DAB1: variants seen among roughly 807,000 people sequenced by gnomAD.
DAB1 encodes DAB adaptor protein 1, also known as disabled homolog 1.
A neutral mutation model predicts 64.6 loss-of-function variants in DAB1; 15 were observed. The observed-to-expected ratio is 0.23, with a 90% CI of 0.16 to 0.36. The LOEUF (loss-of-function observed/expected upper bound fraction) is 0.36. Among genes scored for constraint, DAB1 ranks in the 10% least tolerant of loss-of-function variants. DAB1 has a pLI of 1.00. For missense variants in DAB1, 596 were observed against 706.7 expected, an observed-to-expected ratio of 0.84 and a Z score of 1.78; for synonymous variants, 235 against 251.9, an observed-to-expected ratio of 0.93 and a Z score of 0.64.
intron 1 of DAB1, among the ~76,000 whole-genome samples, chr1:57,391,371 C>T (rs921264241): frequency 2.0e-5 from 3 of 152,102 alleles, no homozygotes; most frequent in Non-Finnish European, 2.9e-5. Flanking sequence ...CATAGCAACT[C>T]ACAGTTCCTT....
intron 1 of DAB1, among the ~76,000 whole-genome samples, chr1:57,337,694 C>A (rs1410364079): frequency 6.6e-6 from 1 of 152,122 alleles, no homozygotes; most frequent in Non-Finnish European, 1.5e-5. Flanking sequence ...GGTGAGAGAG[C>A]AAGCACTTAT....
At chr1:58,358,400 A>C (rs1470851365) in intron 3 of DAB1, among the ~76,000 whole-genome samples, 2 of 152,226 alleles carry the variant, frequency 1.3e-5, no homozygotes, top group Non-Finnish European at 1.5e-5. Flanking sequence ...AAAGAAAGGA[A>C]GAAAGAAACA....
chr1:57,243,744 T>C (rs1160447439), intron 2 of DAB1, among the ~76,000 whole-genome samples: 3 of 152,196 alleles, frequency 2.0e-5, no homozygotes, highest in Non-Finnish European at 2.9e-5. Flanking sequence ...ATCCCGGCAC[T>C]GCCTACACCA....
chr1:58,124,984 G>T (rs1433449144), intron 5 of DAB1, among the ~76,000 whole-genome samples: 1 of 152,096 alleles, frequency 6.6e-6, no homozygotes, highest in African/African-American at 2.4e-5. Flanking sequence ...TATGATTATT[G>T]TTGCTGTCGT....
At chr1:57,436,781 C>A (rs984940657) in intron 7 of DAB1, among the ~76,000 whole-genome samples, 1 of 152,166 alleles carries the variant, frequency 6.6e-6, no homozygotes, top group African/African-American at 2.4e-5. Flanking sequence ...GTAATCCCAG[C>A]ACTTTGGGAG....
intron 5 of DAB1, among the ~76,000 whole-genome samples, chr1:57,954,680 T>C (rs1195525545): frequency 3.3e-5 from 5 of 152,236 alleles, no homozygotes; most frequent in African/African-American, 1.2e-4. Flanking sequence ...AGTTTTTCTA[T>C]TGACTAATAC....
At chr1:58,283,374 T>C (rs555528610) in intron 4 of DAB1, among the ~76,000 whole-genome samples, 2 of 152,302 alleles carry the variant, frequency 1.3e-5, no homozygotes, top group South Asian at 2.1e-4. Flanking sequence ...AAAATGTAGA[T>C]GCTACTCTGT....
intron 3 of DAB1, among the ~76,000 whole-genome samples, chr1:58,373,291 T>C (rs1052483487): frequency 1.4e-5 from 2 of 142,914 alleles, no homozygotes; most frequent in African/African-American, 2.5e-5. Context: ...CATCTAGCAT[T>C]AGGTATATCT....
intron 3 of DAB1, among the ~76,000 whole-genome samples, chr1:58,476,979 G>T (rs1346351543): frequency 2.0e-5 from 3 of 152,160 alleles, no homozygotes; most frequent in Non-Finnish European, 4.4e-5. Context: ...TAATATTTTT[G>T]AGCTTCGGTC....
intron 5 of DAB1, among the ~76,000 whole-genome samples, chr1:57,993,916 T>C (rs1000073860): frequency 1.1e-4 from 17 of 152,220 alleles, no homozygotes; most frequent in Non-Finnish European, 4.4e-5. Context: ...GGTCCTACAA[T>C]GTGCCAGGCC....
At chr1:57,583,837 T>A (rs1291544984) in intron 7 of DAB1, among the ~76,000 whole-genome samples, 4 of 152,204 alleles carry the variant, frequency 2.6e-5, no homozygotes, top group Admixed American at 2.6e-4. Flanking sequence ...AAGAATCTCT[T>A]AGAGACCTTG....
At chr1:57,483,908 A>C (rs952481111) in intron 7 of DAB1, among the ~76,000 whole-genome samples, 12 of 152,204 alleles carry the variant, frequency 7.9e-5, no homozygotes, top group Admixed American at 5.9e-4. Context: ...CTTATGCAGC[A>C]TACTTTCTAG....
At chr1:57,347,499 A>G (rs1402863576) in intron 1 of DAB1, among the ~76,000 whole-genome samples, 1 of 152,250 alleles carries the variant, frequency 6.6e-6, no homozygotes, top group Non-Finnish European at 1.5e-5. Context: ...GATAATGGTC[A>G]GCACAATTGT....
chr1:58,011,756 C>T (rs962748460), intron 5 of DAB1, among the ~76,000 whole-genome samples: 29 of 152,098 alleles, frequency 1.9e-4, no homozygotes, highest in Non-Finnish European at 3.2e-4. Flanking sequence ...GGTGCGATCT[C>T]AGCTCATTGC....
At chr1:58,502,938 C>A (rs1191437077) in intron 3 of DAB1, among the ~76,000 whole-genome samples, 9 of 152,170 alleles carry the variant, frequency 5.9e-5, no homozygotes, top group African/African-American at 2.2e-4. Context: ...AAATGTCTCA[C>A]GTCTTTGTCT....
rs78806199 is a variant in DAB1 at position 58,012,603 on chromosome 1, T to C, written n.388-128441A>G. ...TTAGGAGGTGATAAGGCAATGAGGA[T>C]AGAGCTGTCATGAATGAGATTAGTG... On this transcript the variant is annotated intron_variant and non_coding_transcript_variant, in intron 5 of 20. Coordinates refer to the DAB1 transcript ENST00000485760. Among the ~76,000 whole-genome samples, 173 of 152,280 alleles carry C rather than the reference T, an allele frequency of 1.1e-3. 2 individuals are homozygous for C. The East Asian group carries it at 0.03, about 26-fold the overall frequency.
chr1:58,145,706 T>A (rs769239604), intron 5 of DAB1, among the ~76,000 whole-genome samples: 3 of 152,218 alleles, frequency 2.0e-5, no homozygotes, highest in Non-Finnish European at 4.4e-5. Context: ...ACTCAGCTTT[T>A]ATCAAGGAGA....
chr1:58,225,280 T>C (rs1187468256), intron 4 of DAB1, among the ~76,000 whole-genome samples: 2 of 152,154 alleles, frequency 1.3e-5, no homozygotes, highest in Non-Finnish European at 2.9e-5. Context: ...TCACACCAGT[T>C]AGAATGGCAA....
chr1:57,620,737 G>T (rs946506749), intron 7 of DAB1, among the ~76,000 whole-genome samples: 3 of 152,184 alleles, frequency 2.0e-5, no homozygotes, highest in Admixed American at 6.5e-5. Flanking sequence ...TGCAGAGAGG[G>T]AGAGCTAGAC....
Sources: allele counts gnomAD v4.1 joint callset (sites outside exome capture counted in the v4.1 genomes callset), GRCh38; gene constraint gnomAD v4.1.1; transcripts MANE v1.5; gene names NCBI Gene and HGNC (gene_info 2026-07-23, HGNC 2026-07-21).